PCDH11X: variants seen among roughly 807,000 people sequenced by gnomAD.
PCDH11X encodes the protein protocadherin-11 X-linked.
Under a neutral mutation model 53.3 loss-of-function variants are expected in PCDH11X, and 18 were observed. That is an observed-to-expected ratio of 0.34 (90% CI 0.23 to 0.50). The LOEUF (loss-of-function observed/expected upper bound fraction) is 0.50. Ranked by LOEUF, PCDH11X falls within the 20% of genes least tolerant of loss-of-function variation. The pLI, the probability that PCDH11X is intolerant of heterozygous loss-of-function variation, is 0.98. For missense variants in PCDH11X, 570 were observed against 1,032.4 expected, an observed-to-expected ratio of 0.55 and a Z score of 6.14; for synonymous variants, 279 against 393.3, an observed-to-expected ratio of 0.71 and a Z score of 3.44.
At chrX:92,548,280 C>T (rs932444812) in intron 10 of PCDH11X, among the ~76,000 whole-genome samples, 9 of 110,474 alleles carry the variant, frequency 8.1e-5, no homozygotes, top group South Asian at 7.7e-4. Flanking sequence ...ACGTGATCCT[C>T]GCACCTCAGC....
At chrX:92,196,579 T>C (rs1026769548) in intron 6 of PCDH11X, among the ~76,000 whole-genome samples, 1 of 111,188 alleles carries the variant, frequency 9.0e-6, no homozygotes, top group African/African-American at 3.3e-5. Flanking sequence ...ATCACATTAT[T>C]GTAACAGTGG....
intron 6 of PCDH11X, among the ~76,000 whole-genome samples, chrX:92,113,052 A>G (rs1210254863): frequency 9.2e-6 from 1 of 108,841 alleles, no homozygotes; most frequent in Non-Finnish European, 1.9e-5. Context: ...GGGAAGGAAC[A>G]GTACTTCTAC....
intron 7 of PCDH11X, among the ~76,000 whole-genome samples, chrX:92,261,424 G>T (rs1439499219): frequency 9.0e-6 from 1 of 111,706 alleles, no homozygotes; most frequent in African/African-American, 3.2e-5. Flanking sequence ...GAAAGGAAAT[G>T]CTCACCCCAA....
At chrX:91,824,313 A>C (rs1463417138) in intron 4 of PCDH11X, among the ~76,000 whole-genome samples, 1 of 110,193 alleles carries the variant, frequency 9.1e-6, no homozygotes, top group African/African-American at 3.3e-5. Flanking sequence ...CAGGTACACC[A>C]ATCAGACGTA....
intron 1 of PCDH11X, among the ~76,000 whole-genome samples, chrX:91,793,314 T>C (rs1184332501): frequency 9.3e-6 from 1 of 107,877 alleles, no homozygotes; most frequent in Non-Finnish European, 1.9e-5. Context: ...ATGCACCAAT[T>C]TATTAGGTTC....
chrX:92,104,717 G>GA (rs1420707504), intron 6 of PCDH11X, among the ~76,000 whole-genome samples: 1 of 110,582 alleles, frequency 9.0e-6, no homozygotes, highest in East Asian at 2.9e-4. Context: ...CAAGCCCAGA[G>GA]AAAAGAGTAG....
intron 6 of PCDH11X, among the ~76,000 whole-genome samples, chrX:92,104,179 AT>A (rs2064324465): frequency 9.0e-6 from 1 of 111,217 alleles, no homozygotes; most frequent in Admixed American, 9.7e-5. Context: ...TAGTCACGGA[AT>A]GAAACTGTAA....
At chrX:91,976,006 G>A (rs2571894) in intron 6 of PCDH11X, among the ~76,000 whole-genome samples, 69 of 111,282 alleles carry the variant, frequency 6.2e-4, no homozygotes, top group African/African-American at 2.3e-3. Flanking sequence ...TAGACCCATC[G>A]TGTCATATTA....
intron 6 of PCDH11X, among the ~76,000 whole-genome samples, chrX:91,943,333 C>T (rs758109055): frequency 1.2e-4 from 13 of 110,024 alleles, no homozygotes; most frequent in African/African-American, 4.3e-4. Context: ...GCTATTAACA[C>T]GTGAGAAACG....
intron 6 of PCDH11X, among the ~76,000 whole-genome samples, chrX:92,026,248 AT>A (rs1362098418): frequency 1.8e-5 from 2 of 111,251 alleles, no homozygotes; most frequent in Admixed American, 9.6e-5. Context: ...TGTGAAAATT[AT>A]GTGAAATTTC....
chrX:92,229,456 G>C (rs150280290), intron 7 of PCDH11X, among the ~76,000 whole-genome samples: 1,582 of 110,932 alleles, frequency 0.014, 26 homozygotes, highest in African/African-American at 0.049. Context: ...CCTGCTAAGT[G>C]ATTCTGAAAT....
intron 1 of PCDH11X, among the ~76,000 whole-genome samples, chrX:91,806,736 C>T (rs1936119111): frequency 8.9e-6 from 1 of 112,085 alleles, no homozygotes; most frequent in South Asian, 3.7e-4. Flanking sequence ...ACAAAAAAAT[C>T]TTCAGAAACT....
intron 6 of PCDH11X, among the ~76,000 whole-genome samples, chrX:92,018,515 C>A (rs1431577725): frequency 1.8e-5 from 2 of 111,859 alleles, no homozygotes; most frequent in Admixed American, 1.9e-4. Context: ...GTGGTCTGAA[C>A]AATGGTAGCC....
In PCDH11X at chrX:92,452,045, A is replaced by G. The variant is rs748559924; in HGVS notation, c.3344-16254A>G. 4.6e-3 allele frequency among the ~76,000 whole-genome samples: 501 copies of G among 109,439 alleles called. 1 individual carries two copies. Among genetic ancestry groups the G allele is most frequent in the African/African-American group, 0.015 (441 of 30,092 alleles). On this transcript the variant is annotated intron_variant, in intron 9 of 10. Transcript: ENST00000682573. Reference sequence around the variant, plus strand: ...CACATAAATGTGTGAATTCTATTGTATATTAATATTATCTGTATTTGGATA... The same window carrying G: ...CACATAAATGTGTGAATTCTATTGTGTATTAATATTATCTGTATTTGGATA...
Position 91,781,668 on chromosome X carries a change from G to C in PCDH11X, c.-379+1984G>C, listed in dbSNP as rs528357242. Among the ~76,000 whole-genome samples the C allele has an allele frequency of 1.4e-3, 148 of 107,545 alleles. 1 individual carries two copies. The South Asian group carries it at 0.057, about 42-fold the overall frequency. The allele number at this position is 107,545 out of a possible 115,157, so 93.4% of individuals were successfully genotyped here. On this transcript the variant is annotated intron_variant, in intron 1 of 10. Transcript: ENST00000682573. The stretch of plus-strand genomic sequence containing the variant: ...TGGGTCTGTGTGTGTGTGTGTGCGC[G>C]TGTGTGTGTGTGTGTGTCGCGGCGG...
intron 6 of PCDH11X, among the ~76,000 whole-genome samples, chrX:91,973,818 T>C (rs1206203676): frequency 9.1e-6 from 1 of 109,637 alleles, no homozygotes; most frequent in Admixed American, 9.8e-5. Flanking sequence ...TTTCACCATG[T>C]TGGCCAGGCT....
intron 9 of PCDH11X, among the ~76,000 whole-genome samples, chrX:92,411,491 A>G (rs867318758): frequency 1.3e-4 from 14 of 108,084 alleles, no homozygotes; most frequent in African/African-American, 4.4e-4. Context: ...ATGTGTTCTC[A>G]TTGTTCAACT....
At chrX:92,448,248 T>C in intron 9 of PCDH11X, among the ~76,000 whole-genome samples, 1 of 110,006 alleles carries the variant, frequency 9.1e-6, no homozygotes. Flanking sequence ...ACGTGAGATT[T>C]GGGATGCACC....
intron 8 of PCDH11X, among the ~76,000 whole-genome samples, chrX:92,316,090 A>G (rs1001211449): frequency 1.0e-5 from 1 of 96,457 alleles, no homozygotes; most frequent in Non-Finnish European, 2.1e-5. Flanking sequence ...TTTAACCATC[A>G]CATTTTCTGA....
Sources: gnomAD v4.1 joint callset for allele counts (sites outside exome capture counted in the v4.1 genomes callset) on GRCh38, gnomAD v4.1.1 for gene constraint, MANE v1.5 for transcripts, NCBI Gene and HGNC (gene_info 2026-07-23, HGNC 2026-07-21) for gene names.